Variants in GYPE observed in about 807,000 individuals in gnomAD.
GYPE encodes the protein glycophorin E (MNS blood group).
Under a neutral mutation model 11.6 loss-of-function variants are expected in GYPE, and 8 were observed. That is an observed-to-expected ratio of 0.69 (90% CI 0.41 to 1.25). The LOEUF is 1.25. Among genes scored for constraint, GYPE ranks in the 50% most tolerant of loss-of-function variants. The probability of loss-of-function intolerance (pLI) is 0.01; values close to 1 mark genes in which losing one functional copy is unlikely to be tolerated. For missense variants in GYPE, 90 were observed against 92.8 expected (o/e 0.97, Z 0.12); for synonymous variants, 28 against 29.6 (o/e 0.94, Z 0.18).
At chr4:143,876,233 C>T (rs995707329) in intron 3 of GYPE, among the ~76,000 whole-genome samples, 8 of 152,042 alleles carry the variant, frequency 5.3e-5, no homozygotes, top group East Asian at 1.9e-4. Context: ...CCCACTTCAG[C>T]CCCCTGAGTG....
chr4:143,881,421 A>C (rs1158876371), intron 1 of GYPE, among the ~76,000 whole-genome samples: 1 of 152,132 alleles, frequency 6.6e-6, no homozygotes, highest in Non-Finnish European at 1.5e-5. Context: ...AACTACAAGA[A>C]AGCACAAAGA....
intron 1 of GYPE, among the ~76,000 whole-genome samples, chr4:143,898,846 G>C (rs1744758966): frequency 6.6e-6 from 1 of 152,046 alleles, no homozygotes; most frequent in Non-Finnish European, 1.5e-5. Flanking sequence ...GAATAGTTCA[G>C]GAAAGGTAGC....
At chr4:143,882,885 T>C (rs183213240) in intron 1 of GYPE, among the ~76,000 whole-genome samples, 1 of 152,356 alleles carries the variant, frequency 6.6e-6, no homozygotes, top group African/African-American at 2.4e-5. Flanking sequence ...TTGAATTTTC[T>C]CAGCATGAGA....
intron 3 of GYPE, chr4:143,875,352 G>C: frequency 1.1e-6 from 1 of 901,822 alleles, no homozygotes; most frequent in Admixed American, 2.4e-5. Flanking sequence ...TAGAAGTAGA[G>C]AATACAGTAA....
chr4:143,875,390 G>T lies in GYPE; in HGVS notation c.*9+1356C>A, dbSNP rs865903138. The T allele has an allele frequency of 2.0e-4, 289 of 1,437,934 alleles. No homozygotes were observed. The Middle Eastern group carries it at 3.3e-3, about 17-fold the overall frequency. 89.1% of individuals were successfully genotyped at this position (1,437,934 alleles called of 1,614,324 possible). ...GGCAGGAGAACAGGGAGTTAGGATA[G>T]CCAAGGGTTGGGGCATAAGCAAAGG... On this transcript the variant is annotated intron_variant, in intron 3 of 3. Transcript: ENST00000358615.
chr4:143,881,375 G>A (rs1744016443), intron 1 of GYPE, among the ~76,000 whole-genome samples: 1 of 151,858 alleles, frequency 6.6e-6, no homozygotes, highest in Admixed American at 6.6e-5. Context: ...TCTTTAAATT[G>A]CAAAAGTAAT....
In GYPE at chr4:143,871,336, G is replaced by A. The variant is rs867433284; in HGVS notation, c.*926C>T. On this transcript the variant is annotated 3_prime_UTR_variant, in exon 4 of 4. Transcript: ENST00000358615. ...GCATATAATATACAGGTAAGCCAAT[G>A]TTACAGGATGTTGTGGAACTATTCC... is the stretch of plus-strand genomic sequence containing the variant. The A allele has an allele frequency of 6.6e-6, 1 of 152,266 alleles. No homozygotes were observed. Among genetic ancestry groups the A allele is most frequent in the South Asian group, 2.1e-4 (1 of 4,820 alleles). The allele number at this position is 152,266 out of a possible 1,614,324, so 9.4% of individuals were successfully genotyped here.
At chr4:143,890,519 A>C (rs539126985) in intron 1 of GYPE, among the ~76,000 whole-genome samples, 72 of 152,362 alleles carry the variant, frequency 4.7e-4, no homozygotes, top group African/African-American at 1.6e-3. Context: ...TGCAGAAATG[A>C]AACTAGTTTG....
At chr4:143,880,645 C>G (rs2305066) in intron 1 of GYPE, 136 bp from the exon 2 acceptor site, 326,544 of 1,107,318 alleles carry the variant, frequency 0.29, 30,816 homozygotes, top group Middle Eastern at 0.36. Flanking sequence ...CTTACATAAT[C>G]TTTAGAGAAT....
At chr4:143,895,230 A>C (rs1451987012) in intron 1 of GYPE, among the ~76,000 whole-genome samples, 3 of 152,192 alleles carry the variant, frequency 2.0e-5, no homozygotes, top group Non-Finnish European at 4.4e-5. Context: ...CTGTTCACAG[A>C]CGACATGATT....
rs1282532204 is a variant in GYPE, at chr4:143,871,419, A to C, written c.*843T>G. The C allele has an allele frequency of 6.6e-6, 1 of 152,086 alleles. No homozygotes were observed. The highest frequency in any genetic ancestry group is 1.5e-5 in the Non-Finnish European group (1 of 68,068). 9.4% of individuals were successfully genotyped at this position (152,086 alleles called of 1,614,324 possible). A position where few individuals can be genotyped will look rare whatever the true frequency, so the allele number is the denominator to read the frequency against. On this transcript the variant is annotated 3_prime_UTR_variant, in exon 4 of 4. Transcript: ENST00000358615. ...CTGAAACCAAGAGGCACTGATTACC[A>C]CCTCACTCTAAAGAGAATTACTGAG... is the stretch of plus-strand genomic sequence containing the variant.
intron 1 of GYPE, among the ~76,000 whole-genome samples, chr4:143,882,533 T>A (rs1202053723): frequency 6.6e-6 from 1 of 152,110 alleles, no homozygotes; most frequent in African/African-American, 2.4e-5. Context: ...TGAAAATAGC[T>A]AATAAAATAA....
intron 3 of GYPE, among the ~76,000 whole-genome samples, chr4:143,873,832 G>C (rs71612437): frequency 1.3e-5 from 2 of 151,704 alleles, no homozygotes; most frequent in Non-Finnish European, 1.5e-5. Context: ...CCACTCAAAA[G>C]ATCTCCAGTT....
chr4:143,875,777 T>G (rs1187720018), intron 3 of GYPE, among the ~76,000 whole-genome samples: 1 of 152,002 alleles, frequency 6.6e-6, no homozygotes, highest in Non-Finnish European at 1.5e-5. Flanking sequence ...GAAACCAGCC[T>G]GGCCAACACA....
At chr4:143,899,139 A>G (rs954475411) in intron 1 of GYPE, among the ~76,000 whole-genome samples, 1 of 148,206 alleles carries the variant, frequency 6.7e-6, no homozygotes, top group Non-Finnish European at 1.5e-5. Flanking sequence ...CCACGTGAGG[A>G]AGACAGACCG....
At chr4:143,885,456 G>C (rs2323425) in intron 1 of GYPE, among the ~76,000 whole-genome samples, 141,026 of 151,950 alleles carry the variant, frequency 0.93, 66,392 homozygotes, top group East Asian at 1. Context: ...AACAGCTACT[G>C]CTCACAGTAA....
chr4:143,895,126 A>G (rs949775998), intron 1 of GYPE, among the ~76,000 whole-genome samples: 2 of 152,164 alleles, frequency 1.3e-5, no homozygotes, highest in African/African-American at 4.8e-5. Context: ...CACCACTCCT[A>G]TTCAACATAG....
chr4:143,903,536 A>AAG (rs998445402), intron 1 of GYPE, among the ~76,000 whole-genome samples: 3 of 149,386 alleles, frequency 2.0e-5, no homozygotes, highest in African/African-American at 5.0e-5. Context: ...AAAAAAAAAA[A>AAG]AAAAAAGAAA....
chr4:143,878,871 C>G (rs1743913381), intron 2 of GYPE, among the ~76,000 whole-genome samples: 1 of 152,138 alleles, frequency 6.6e-6, no homozygotes, highest in Admixed American at 6.5e-5. Context: ...TCAGTATCTA[C>G]TTTTAATGAC....
Sources: allele counts gnomAD v4.1 joint callset (sites outside exome capture counted in the v4.1 genomes callset), GRCh38; gene constraint gnomAD v4.1.1; transcripts MANE v1.5; gene names NCBI Gene and HGNC (gene_info 2026-07-23, HGNC 2026-07-21).